VGLL2: variants seen among roughly 807,000 people sequenced by gnomAD.
VGLL2 encodes the protein transcription cofactor vestigial-like protein 2.
VGLL2 carries 18 observed loss-of-function variants against 27.0 expected under a neutral mutation model. The ratio of observed to expected loss-of-function variants is 0.67; its 90% CI spans 0.46 to 0.99. VGLL2 has a LOEUF of 0.99. Ranked by LOEUF, VGLL2 falls within the 50% of genes least tolerant of loss-of-function variation. The pLI, the probability that VGLL2 is intolerant of heterozygous loss-of-function variation, is 0.00. For missense variants in VGLL2, 491 were observed against 452.3 expected, an observed-to-expected ratio of 1.09 and a Z score of -0.78; for synonymous variants, 220 against 201.1, an observed-to-expected ratio of 1.09 and a Z score of -0.80.
chr6:117,269,013 G>A (rs1472371646), intron 2 of VGLL2, among the ~76,000 whole-genome samples: 2 of 152,208 alleles, frequency 1.3e-5, no homozygotes, highest in Non-Finnish European at 2.9e-5. Context: ...ACCTGTTTGA[G>A]AATGTCTCCT....
In VGLL2 at chr6:117,272,720, C is replaced by A; in HGVS notation, c.*226C>A. The stretch of plus-strand genomic sequence containing the variant: ...CTGAGTTATGTTTAATGACTTTTGG[C>A]CGAATCACTGGAAATATCTGTGGTG... On this transcript the variant is annotated 3_prime_UTR_variant, in exon 4 of 4. Coordinates refer to ENST00000326274, the MANE Select transcript of VGLL2 (RefSeq NM_182645.3). 1.7e-6 allele frequency: 1 copy of A among 586,778 alleles called. No homozygotes were observed. The highest frequency in any genetic ancestry group is 2.9e-6 in the Non-Finnish European group (1 of 348,590). The allele number at this position is 586,778 out of a possible 1,614,324, so 36.3% of individuals were successfully genotyped here.
At chr6:117,265,883 G>C in intron 1 of VGLL2, 39 bp downstream of exon 1, 1 of 1,581,356 alleles carries the variant, frequency 6.3e-7, no homozygotes, top group Non-Finnish European at 8.7e-7. Context: ...AGGAGTGCGC[G>C]CCCCCCGTTT....
Position 117,270,586 on chromosome 6 carries a change from C to T in VGLL2, c.435C>T (p.Phe145=), listed in dbSNP as rs1398835613. 4.4e-6 allele frequency: 7 copies of T among 1,597,734 alleles called. No homozygotes were observed. Among genetic ancestry groups the T allele is most frequent in the Non-Finnish European group, 6.0e-6 (7 of 1,174,098 alleles). Residue 145 remains phenylalanine (F), a synonymous_variant, in exon 3 of 4, where the codon TTC becomes TTT. Coordinates refer to ENST00000326274, the MANE Select transcript of VGLL2 (RefSeq NM_182645.3). The part of the protein sequence containing the change: ...PMSQRSFPAS[F]WNSAYQAPVP... ...GCCAGCGCAGCTTCCCCGCCTCCTT[C>T]TGGAATAGCGCGTACCAGGCGCCAG... is the stretch of plus-strand genomic sequence containing the variant.
rs1302596175 is a variant in VGLL2, at chr6:117,270,970, C to G, written c.819C>G (p.Gly273=). Residue 273 remains glycine (G), a synonymous_variant, in exon 3 of 4, where the codon GGC becomes GGG. Transcript: ENST00000326274. ...CTCCCTGCGAGCTCTCCGGCAAAGG[C>G]GAGCCGGCGGGCGCCGCGTGGGCCG... ...GSPPCELSGK[G]EPAGAAWAGP... 5 of 1,231,798 alleles carry G rather than the reference C, an allele frequency of 4.1e-6. No homozygotes were observed. In the Admixed American group the frequency reaches 1.3e-4, roughly 32 times the overall value. 76.3% of individuals were successfully genotyped at this position (1,231,798 alleles called of 1,614,324 possible).
intron 1 of VGLL2, 121 bp from the exon 2 acceptor site, chr6:117,268,061 C>G: frequency 9.4e-7 from 1 of 1,068,246 alleles, no homozygotes; most frequent in Non-Finnish European, 1.4e-6. Context: ...CAGCACAAGG[C>G]TTAAGCCCAT....
At chr6:117,265,977 G>T in intron 1 of VGLL2, 133 bp downstream of exon 1, 5 of 792,712 alleles carry the variant, frequency 6.3e-6, no homozygotes, top group South Asian at 6.1e-5. Context: ...GCCGGGATGC[G>T]GGGATTGCCG....
Position 117,268,500 on chromosome 6 carries a change from A to AG in VGLL2, c.391+12dup. 6.3e-7 allele frequency: 1 copy of AG among 1,591,876 alleles called. No homozygotes were observed. Among genetic ancestry groups the AG allele is most frequent in the East Asian group, 2.3e-5 (1 of 43,690 alleles). ...CTCTGGGCCCTGGCGAGGTGAGTAT[A>AG]GGGCCCTGCTGGGAAGGACCCATAG... On this transcript the variant is annotated intron_variant, in intron 2 of 3. Transcript: ENST00000326274.
Position 117,265,575 on chromosome 6 carries a change from C to G in VGLL2, c.-189C>G. On this transcript the variant is annotated 5_prime_UTR_variant, in exon 1 of 4. Transcript: ENST00000326274. ...GCTCAGGCGCTTCTGCCCTGGAGCG[C>G]GGTCGGGAGTAAAATCGCAGGAGTG... The G allele has an allele frequency of 1.7e-6, 1 of 596,282 alleles. No homozygotes were observed. The allele number at this position is 596,282 out of a possible 1,614,324, so 36.9% of individuals were successfully genotyped here. A position where few individuals can be genotyped will look rare whatever the true frequency, so the allele number is the denominator to read the frequency against.
chr6:117,265,913 G>C, intron 1 of VGLL2, 69 bp downstream of exon 1: 1 of 1,390,242 alleles, frequency 7.2e-7, no homozygotes, highest in South Asian at 1.2e-5. Flanking sequence ...TGGCCTGTAC[G>C]CCAAGGTCTG....
At chr6:117,270,466 G>A in intron 2 of VGLL2, 77 bp from the exon 3 acceptor site, 2 of 1,465,462 alleles carry the variant, frequency 1.4e-6, no homozygotes, top group Non-Finnish European at 1.8e-6. Flanking sequence ...GGGACGTGCA[G>A]GTCGGCGCTG....
Position 117,265,793 on chromosome 6 carries a change from C to T in VGLL2, c.30C>T (p.Val10=), listed in dbSNP as rs764264917. 5.0e-5 allele frequency: 80 copies of T among 1,614,048 alleles called. No homozygotes were observed. The highest frequency in any genetic ancestry group is 1.3e-4 in the Admixed American group (8 of 60,014). The part of the protein sequence containing the change: MSCLDVMYQ[V]YGPPQPYFAA... ...GCTGTCTGGATGTTATGTACCAAGT[C>T]TATGGTCCTCCGCAGCCCTACTTCG... The change falls in exon 1 of 4, where the codon GTC becomes GTT. Residue 10 remains valine, a synonymous_variant. Coordinates refer to ENST00000326274, the MANE Select transcript of VGLL2 (RefSeq NM_182645.3).
Position 117,270,712 on chromosome 6 carries a change from C to A in VGLL2, c.561C>A (p.His187Gln). 1 of 1,531,144 alleles carries A rather than the reference C, an allele frequency of 6.5e-7. No homozygotes were observed. The highest frequency in any genetic ancestry group is 1.2e-5 in the South Asian group (1 of 83,686). The allele number at this position is 1,531,144 out of a possible 1,614,324, so 94.8% of individuals were successfully genotyped here. A position where few individuals can be genotyped will look rare whatever the true frequency, so the allele number is the denominator to read the frequency against. ...YSPAALHGHL[H>Q]QGATEPWHHA... ...CCGCCGCGCTGCATGGCCACCTGCACCAGGGCGCCACGGAGCCCTGGCACC... is the reference window on the plus strand; with the variant it reads ...CCGCCGCGCTGCATGGCCACCTGCAACAGGGCGCCACGGAGCCCTGGCACC... Residue 187 changes from histidine to glutamine, a missense_variant, in exon 3 of 4, where the codon CAC (histidine) becomes CAA (glutamine). Coordinates refer to ENST00000326274, the MANE Select transcript of VGLL2 (RefSeq NM_182645.3).
Position 117,265,696 on chromosome 6 carries a change from A to C in VGLL2, c.-68A>C. 7.2e-7 allele frequency: 1 copy of C among 1,397,700 alleles called. No homozygotes were observed. Among genetic ancestry groups the C allele is most frequent in the Middle Eastern group, 1.9e-4 (1 of 5,266 alleles). The allele number at this position is 1,397,700 out of a possible 1,614,324, so 86.6% of individuals were successfully genotyped here. The stretch of plus-strand genomic sequence containing the variant: ...GCGCGGGTCCAAGCGCCGCCCATGC[A>C]GCACCCCTGAGCTCCGGGGAAGGAG... On this transcript the variant is annotated 5_prime_UTR_variant, in exon 1 of 4. Coordinates refer to ENST00000326274, the MANE Select transcript of VGLL2 (RefSeq NM_182645.3).
chr6:117,265,983 T>G (rs1773059833), intron 1 of VGLL2, 139 bp downstream of exon 1: 1 of 756,602 alleles, frequency 1.3e-6, no homozygotes, highest in African/African-American at 1.7e-5. Context: ...ATGCGGGGAT[T>G]GCCGGAGCCG....
chr6:117,271,333 A>G (rs1253423551), intron 3 of VGLL2, among the ~76,000 whole-genome samples: 1 of 147,482 alleles, frequency 6.8e-6, no homozygotes, highest in Non-Finnish European at 1.5e-5. Flanking sequence ...TGATAATAAT[A>G]ATAATAATAA....
Position 117,268,465 on chromosome 6 carries a change from C to T in VGLL2, c.365C>T (p.Ala122Val). 2 of 1,612,798 alleles carry T rather than the reference C, an allele frequency of 1.2e-6. No homozygotes were observed. Among genetic ancestry groups the T allele is most frequent in the East Asian group, 4.5e-5 (2 of 44,802 alleles). ...SYSPSCTSSK[A>V]PRSSGPWRDC... ...TCTCCTAGCTGTACCAGCAGCAAAGCACCAAGGAGCTCTGGGCCCTGGCGA... is the reference window on the plus strand; with the variant it reads ...TCTCCTAGCTGTACCAGCAGCAAAGTACCAAGGAGCTCTGGGCCCTGGCGA... Residue 122 changes from alanine to valine, a missense_variant, in exon 2 of 4, where the codon GCA (alanine) becomes GTA (valine). Ala to Val is a moderately conservative substitution (Grantham distance 64, BLOSUM62 0). Transcript: ENST00000326274.
chr6:117,266,635 T>C (rs1175529547), intron 1 of VGLL2, among the ~76,000 whole-genome samples: 1 of 152,204 alleles, frequency 6.6e-6, no homozygotes, highest in Non-Finnish European at 1.5e-5. Context: ...TGCGTCTGTT[T>C]GAACCATTTT....
Position 117,265,632 on chromosome 6 carries a change from G to A in VGLL2, c.-132G>A, listed in dbSNP as rs1471801720. 2 of 743,230 alleles carry A rather than the reference G, an allele frequency of 2.7e-6. No homozygotes were observed. Among genetic ancestry groups the A allele is most frequent in the African/African-American group, 1.7e-5 (1 of 57,570 alleles). The allele number at this position is 743,230 out of a possible 1,614,324, so 46.0% of individuals were successfully genotyped here. A position where few individuals can be genotyped will look rare whatever the true frequency, so the allele number is the denominator to read the frequency against. ...TAGCGAGCCAGCTGGATTCCGAGCCGCGGAGCGCGCTGGCTTTGCTCCGCC... is the reference window on the plus strand; with the variant it reads ...TAGCGAGCCAGCTGGATTCCGAGCCACGGAGCGCGCTGGCTTTGCTCCGCC... On this transcript the variant is annotated 5_prime_UTR_variant, in exon 1 of 4. Transcript: ENST00000326274.
At position 117,268,612 on chromosome 6, in the gene VGLL2, G is replaced by A; in HGVS notation, c.391+121G>A. 4 of 1,145,102 alleles carry A rather than the reference G, an allele frequency of 3.5e-6. No homozygotes were observed. In the Middle Eastern group the frequency reaches 9.0e-4, roughly 258 times the overall value. The allele number at this position is 1,145,102 out of a possible 1,614,324, so 70.9% of individuals were successfully genotyped here. On this transcript the variant is annotated intron_variant, in intron 2 of 3. Transcript: ENST00000326274. The stretch of plus-strand genomic sequence containing the variant: ...TTAGGTGTCAGAGAAGGTGTGCAGA[G>A]GAGCATTTGGAAAGGGTAAGGAAAA...
Sources: gnomAD v4.1 joint callset for allele counts (sites outside exome capture counted in the v4.1 genomes callset) on GRCh38, gnomAD v4.1.1 for gene constraint, MANE v1.5 for transcripts, NCBI Gene and HGNC (gene_info 2026-07-23, HGNC 2026-07-21) for gene names.